PPP4R3B: variants seen among roughly 807,000 people sequenced by gnomAD.
PPP4R3B encodes the protein serine/threonine-protein phosphatase 4 regulatory subunit 3B.
In PPP4R3B, 52 loss-of-function variants were observed where a neutral mutation model predicts 95.4. That is an observed-to-expected ratio of 0.54 (90% CI 0.44 to 0.69). PPP4R3B has a LOEUF of 0.69. Ranked by LOEUF, PPP4R3B falls within the 30% of genes least tolerant of loss-of-function variation. The probability of loss-of-function intolerance (pLI) is 0.00; values close to 1 mark genes in which losing one functional copy is unlikely to be tolerated. For synonymous variants in PPP4R3B, 407 were observed against 343.9 expected, an observed-to-expected ratio of 1.18 and a Z score of -2.03; for missense variants, 1,003 against 1,005.9, an observed-to-expected ratio of 1.00 and a Z score of 0.04.
At position 55,568,436 on chromosome 2, in the gene PPP4R3B, C is replaced by A. The variant is rs576958095; in HGVS notation, c.1766-73G>T. 4.7e-4 allele frequency: 604 copies of A among 1,276,404 alleles called. 1 individual carries two copies. Among genetic ancestry groups the A allele is most frequent in the Non-Finnish European group, 6.0e-4 (564 of 945,214 alleles). The allele number at this position is 1,276,404 out of a possible 1,614,324, so 79.1% of individuals were successfully genotyped here. ...AATTATTATACAGGTGTTTTTCCAC[C>A]ATAAAGCAATGTATATGCTCTTCTA... On this transcript the variant is annotated intron_variant, in intron 12 of 16. Coordinates refer to ENST00000616407, the MANE Select transcript of PPP4R3B (RefSeq NM_001122964.3).
At chr2:55,594,926 A>C (rs1691553777) in intron 4 of PPP4R3B, among the ~76,000 whole-genome samples, 1 of 152,126 alleles carries the variant, frequency 6.6e-6, no homozygotes, top group Non-Finnish European at 1.5e-5. Context: ...GTAAACAATA[A>C]TAGGTGACTA....
chr2:55,594,822 T>C (rs1691539455), intron 4 of PPP4R3B, among the ~76,000 whole-genome samples: 1 of 152,136 alleles, frequency 6.6e-6, no homozygotes, highest in Non-Finnish European at 1.5e-5. Context: ...TATGTACATC[T>C]AACCTCCCCC....
intron 15 of PPP4R3B, 104 bp downstream of exon 15, chr2:55,564,209 G>C: frequency 1.0e-6 from 1 of 980,946 alleles, no homozygotes; most frequent in Non-Finnish European, 1.4e-6. Context: ...TAAAATTTTT[G>C]TCTTTCTTGC....
rs930699629 is a variant in PPP4R3B at position 55,567,668 on chromosome 2, G to C, written c.1935+526C>G. On this transcript the variant is annotated intron_variant, in intron 13 of 16. Coordinates refer to ENST00000616407, the MANE Select transcript of PPP4R3B (RefSeq NM_001122964.3). The stretch of plus-strand genomic sequence containing the variant: ...TGACCTTAAGTGATCAGCCTGCCCA[G>C]GTCTCCCAAAGTGCTGGGATTACAG... Among the ~76,000 whole-genome samples, 7 of 152,090 alleles carry C rather than the reference G, an allele frequency of 4.6e-5. No homozygotes were observed. In the East Asian group the frequency reaches 5.8e-4, roughly 13 times the overall value.
At chr2:55,565,981 C>T (rs975844989) in intron 13 of PPP4R3B, 1 of 152,012 alleles carries the variant, frequency 6.6e-6, no homozygotes, top group African/African-American at 2.4e-5. Flanking sequence ...TATAGTCTTC[C>T]AATAGTATAA....
At chr2:55,582,722 G>T (rs1488985071) in intron 7 of PPP4R3B, among the ~76,000 whole-genome samples, 1 of 152,084 alleles carries the variant, frequency 6.6e-6, no homozygotes, top group African/African-American at 2.4e-5. Context: ...TAAACGAGAG[G>T]AGAGCATAAA....
intron 6 of PPP4R3B, among the ~76,000 whole-genome samples, 165 bp downstream of exon 6, chr2:55,586,453 T>C (rs1364920301): frequency 1.3e-5 from 2 of 152,218 alleles, no homozygotes; most frequent in Non-Finnish European, 2.9e-5. Context: ...TACATACTGA[T>C]ATTAAAAATT....
At chr2:55,614,442 C>T (rs1694624502) in intron 2 of PPP4R3B, 1 of 152,140 alleles carries the variant, frequency 6.6e-6, no homozygotes, top group Non-Finnish European at 1.5e-5. Flanking sequence ...ACATTGTTAA[C>T]ATGAACGAAT....
chr2:55,571,306 T>C (rs558052955), intron 12 of PPP4R3B, among the ~76,000 whole-genome samples: 1 of 118,616 alleles, frequency 8.4e-6, no homozygotes, highest in Admixed American at 8.9e-5. Context: ...CAAGACTCTG[T>C]CTCAAAAAAA....
At chr2:55,568,426 GT>G (rs1687576051) in intron 12 of PPP4R3B, 63 bp from the exon 13 acceptor site, 1 of 1,350,084 alleles carries the variant, frequency 7.4e-7, no homozygotes, top group African/African-American at 1.5e-5. Context: ...TTATACAGGT[GT>G]TTTTCCACCA....
intron 9 of PPP4R3B, 56 bp from the exon 10 acceptor site, chr2:55,578,398 G>A (rs1005684738): frequency 1.6e-6 from 2 of 1,243,800 alleles, no homozygotes; most frequent in South Asian, 7.2e-5. Flanking sequence ...GTATATGAGT[G>A]TCTGTTATAT....
intron 2 of PPP4R3B, among the ~76,000 whole-genome samples, chr2:55,605,229 A>G (rs370682871): frequency 2.4e-4 from 37 of 152,352 alleles, no homozygotes; most frequent in African/African-American, 8.4e-4. Context: ...AACGTGGCTA[A>G]AACTTTGATT....
At chr2:55,568,085 T>C in intron 13 of PPP4R3B, 109 bp downstream of exon 13, 1 of 667,468 alleles carries the variant, frequency 1.5e-6, no homozygotes, top group East Asian at 3.4e-5. Context: ...AATATATAAT[T>C]TCAGGGGTGA....
chr2:55,567,152 A>G (rs1305651519), intron 13 of PPP4R3B, among the ~76,000 whole-genome samples: 2 of 152,212 alleles, frequency 1.3e-5, no homozygotes, highest in Admixed American at 1.3e-4. Flanking sequence ...CCTGTTATTC[A>G]CATAGACTGC....
At chr2:55,599,393 G>A (rs1217895140) in intron 3 of PPP4R3B, among the ~76,000 whole-genome samples, 1 of 152,024 alleles carries the variant, frequency 6.6e-6, no homozygotes, top group South Asian at 2.1e-4. Context: ...AGCTGAGATC[G>A]CACCACTGCA....
chr2:55,592,932 G>A (rs903871448), intron 4 of PPP4R3B, among the ~76,000 whole-genome samples: 1 of 152,082 alleles, frequency 6.6e-6, no homozygotes, highest in Non-Finnish European at 1.5e-5. Context: ...AGGCTGAGGC[G>A]GGTGGATCAC....
chr2:55,611,221 G>C (rs994329203), intron 2 of PPP4R3B, among the ~76,000 whole-genome samples: 1 of 151,898 alleles, frequency 6.6e-6, no homozygotes, highest in Non-Finnish European at 1.5e-5. Context: ...CTACGCACAG[G>C]CACAATCATA....
intron 16 of PPP4R3B, among the ~76,000 whole-genome samples, chr2:55,557,147 C>A (rs1006947367): frequency 2.0e-5 from 3 of 152,178 alleles, no homozygotes; most frequent in Non-Finnish European, 4.4e-5. Flanking sequence ...GGTGATACAG[C>A]TACAAAGAGG....
chr2:55,575,081 G>A (rs1688494683), intron 11 of PPP4R3B, among the ~76,000 whole-genome samples: 2 of 150,308 alleles, frequency 1.3e-5, no homozygotes, highest in Non-Finnish European at 3.0e-5. Flanking sequence ...GGGACTACAG[G>A]CGCCCGCCAC....
Sources: gnomAD v4.1 joint callset for allele counts (sites outside exome capture counted in the v4.1 genomes callset) on GRCh38, gnomAD v4.1.1 for gene constraint, MANE v1.5 for transcripts, NCBI Gene and HGNC (gene_info 2026-07-23, HGNC 2026-07-21) for gene names.